Variants in TXLNB observed in about 807,000 individuals in gnomAD.
TXLNB encodes the protein taxilin beta, also known as beta-taxilin.
Under a neutral mutation model 57.4 loss-of-function variants are expected in TXLNB, and 37 were observed. The ratio of observed to expected loss-of-function variants is 0.64; its 90% CI spans 0.50 to 0.85. TXLNB has a LOEUF of 0.85. Among genes scored for constraint, TXLNB ranks in the 40% least tolerant of loss-of-function variants. The probability of loss-of-function intolerance (pLI) is 0.00; values close to 1 mark genes in which losing one functional copy is unlikely to be tolerated. For missense variants in TXLNB, 848 were observed against 825.6 expected, an observed-to-expected ratio of 1.03 and a Z score of -0.33; for synonymous variants, 302 against 309.6, an observed-to-expected ratio of 0.98 and a Z score of 0.26.
the TXLNB span, among the ~76,000 whole-genome samples, chr6:139,230,945 T>G: frequency 2.4e-4 from 36 of 152,180 alleles, no homozygotes; most frequent in Middle Eastern, 3.2e-3. Context: ...AACTTGCATA[T>G]AACCATCACC....
At chr6:139,255,064 C>T (rs377161949) in intron 7 of TXLNB, among the ~76,000 whole-genome samples, 1 of 152,176 alleles carries the variant, frequency 6.6e-6, no homozygotes, top group African/African-American at 2.4e-5. Context: ...TCAGGCGATC[C>T]GCCCGCCTGG....
the TXLNB span, among the ~76,000 whole-genome samples, chr6:139,306,667 C>T: frequency 2.0e-5 from 3 of 152,208 alleles, no homozygotes; most frequent in African/African-American, 7.2e-5. Flanking sequence ...AGTCTCCAAA[C>T]CTTTCCTCAG....
the TXLNB span, among the ~76,000 whole-genome samples, chr6:139,165,134 C>A: frequency 6.6e-6 from 1 of 152,096 alleles, no homozygotes. Context: ...TACAATTATG[C>A]CCATTTATGG....
At chr6:139,255,708 G>T in intron 6 of TXLNB, 70 bp from the exon 7 acceptor site, 1 of 1,300,846 alleles carries the variant, frequency 7.7e-7, no homozygotes. Context: ...GCTGTAATTT[G>T]TCTACAAAAC....
chr6:139,270,198 T>G (rs1776722107), intron 4 of TXLNB, among the ~76,000 whole-genome samples: 1 of 152,180 alleles, frequency 6.6e-6, no homozygotes, highest in Non-Finnish European at 1.5e-5. Flanking sequence ...TCAGGTACTG[T>G]GCGGGTACCT....
At chr6:139,292,078 ACGCGCG>A (rs71901269), upstream of TXLNB, 49 of 148,510 alleles carry the variant, frequency 3.3e-4, no homozygotes, top group African/African-American at 8.9e-4. This position sits in a 1 kb window ranked among gnomAD's most constrained non-coding sequence, Gnocchi z 4.0. Flanking sequence ...ACGTGCACGC[ACGCGCG>A]CGCACACACA....
At chr6:139,266,437 G>A (rs976167863) in intron 4 of TXLNB, among the ~76,000 whole-genome samples, 11 of 152,084 alleles carry the variant, frequency 7.2e-5, no homozygotes, top group Admixed American at 1.3e-4. Flanking sequence ...ATTAAAAATC[G>A]CAAAATCTGA....
chr6:139,299,623 C>T, the TXLNB span, among the ~76,000 whole-genome samples: 1 of 152,118 alleles, frequency 6.6e-6, no homozygotes, highest in Non-Finnish European at 1.5e-5. Context: ...CACAGATCAT[C>T]TCCCCACTTG....
At chr6:139,248,741 G>A (rs986657546) in intron 7 of TXLNB, among the ~76,000 whole-genome samples, 1 of 152,148 alleles carries the variant, frequency 6.6e-6, no homozygotes, top group African/African-American at 2.4e-5. Flanking sequence ...GGTGAGCATG[G>A]CAGGTGATCA....
chr6:139,306,633 C>A, the TXLNB span, among the ~76,000 whole-genome samples: 1 of 152,222 alleles, frequency 6.6e-6, no homozygotes, highest in Admixed American at 6.5e-5. Context: ...TTCCCGCTTT[C>A]TTCAATTGTT....
Position 139,260,396 on chromosome 6 carries a change from C to G in TXLNB, c.924G>C (p.Lys308Asn). ...KIFKHRELQQ[K>N]LVDAKLEQAQ... is the part of the protein sequence containing the mutation. ...CCTGCTCAAGCTTTGCATCCACCAG[C>G]TTCTGCTGCAGTTCTCTGTGTTTAA... Residue 308 changes from lysine to asparagine, a missense_variant, in exon 6 of 10, where the codon AAG becomes AAC. Coordinates refer to ENST00000358430, the MANE Select transcript of TXLNB (RefSeq NM_153235.4). 1 of 1,614,156 alleles carries G rather than the reference C, an allele frequency of 6.2e-7. No individual in the cohort carries two copies. The highest frequency in any genetic ancestry group is 1.6e-4 in the Middle Eastern group (1 of 6,062).
intron 6 of TXLNB, among the ~76,000 whole-genome samples, chr6:139,257,147 A>T (rs564109052): frequency 5.0e-4 from 76 of 152,286 alleles, no homozygotes; most frequent in Non-Finnish European, 7.5e-4. Flanking sequence ...TATTATTTTT[A>T]AAAATCACAT....
chr6:139,270,658 A>G lies in TXLNB; in HGVS notation c.517-32T>C, dbSNP rs767855987. 16 of 1,600,792 alleles carry G rather than the reference A, an allele frequency of 1.0e-5. No individual in the cohort carries two copies. The South Asian group carries it at 1.7e-4, about 17-fold the overall frequency. On this transcript the variant is annotated intron_variant, in intron 3 of 9. Transcript: ENST00000358430. ...ACATGGAGATACAAACATGAAAGAA[A>G]ATGGCAGGGATCTCCTTGGAGTGGA...
At chr6:139,204,874 A>T in the TXLNB span, among the ~76,000 whole-genome samples, 4 of 152,054 alleles carry the variant, frequency 2.6e-5, no homozygotes, top group African/African-American at 9.7e-5. Flanking sequence ...TCTACTGTAT[A>T]CCAGAGTCAA....
At chr6:139,245,060 A>G (rs1340428619) in intron 8 of TXLNB, among the ~76,000 whole-genome samples, 3 of 152,244 alleles carry the variant, frequency 2.0e-5, no homozygotes, top group Non-Finnish European at 4.4e-5. Context: ...GAAAGCTGGC[A>G]TGGCCTTTTT....
intron 6 of TXLNB, 148 bp from the exon 7 acceptor site, chr6:139,255,786 A>T: frequency 1.6e-6 from 1 of 606,932 alleles, no homozygotes; most frequent in Non-Finnish European, 2.9e-6. Context: ...AAGAAAGCTT[A>T]AAAAACCAGG....
Position 139,260,363 on chromosome 6 carries a change from T to G in TXLNB, c.957A>C (p.Glu319Asp). 6.2e-7 allele frequency: 1 copy of G among 1,614,210 alleles called. No homozygotes were observed. The highest frequency in any genetic ancestry group is 8.5e-7 in the Non-Finnish European group (1 of 1,180,030). The change falls in exon 6 of 10, where the codon GAA (glutamate) becomes GAC (aspartate). Residue 319 changes from glutamate (E) to aspartate (D), a missense_variant. Coordinates refer to ENST00000358430, the MANE Select transcript of TXLNB (RefSeq NM_153235.4). ...LVDAKLEQAQ[E>D]MMKEAEERHK... ...GTCGCTCCTCCGCTTCCTTCATCAT[T>G]TCTTGGGCCTGCTCAAGCTTTGCAT...
At chr6:139,321,633 C>CTTTTT in the TXLNB span, among the ~76,000 whole-genome samples, 56 of 84,334 alleles carry the variant, frequency 6.6e-4, no homozygotes, top group African/African-American at 1.4e-3. Flanking sequence ...ACTACTCTCT[C>CTTTTT]TTTTTTTTTT....
At chr6:139,261,368 A>C (rs960580074) in intron 5 of TXLNB, among the ~76,000 whole-genome samples, 35 of 152,034 alleles carry the variant, frequency 2.3e-4, no homozygotes, top group African/African-American at 8.0e-4. Flanking sequence ...TACTATTAGG[A>C]GTTTCTTGAT....
Sources: gnomAD v4.1 joint callset for allele counts (sites outside exome capture counted in the v4.1 genomes callset) on GRCh38, gnomAD v4.1.1 for gene constraint, Gnocchi (gnomAD v3.1) non-coding constraint, MANE v1.5 for transcripts, NCBI Gene and HGNC (gene_info 2026-07-23, HGNC 2026-07-21) for gene names.